Variants in EPHA3 observed in about 807,000 individuals in gnomAD.
EPHA3 encodes the protein ephrin type-A receptor 3.
In EPHA3, 42 loss-of-function variants were observed where a neutral mutation model predicts 107.1. The observed-to-expected ratio is 0.39, with a 90% confidence interval of 0.31 to 0.51. EPHA3 has a LOEUF of 0.51. Among genes scored for constraint, EPHA3 ranks in the 20% least tolerant of loss-of-function variants. EPHA3 has a pLI of 0.78. For missense variants in EPHA3, 1,183 were observed against 1,211.2 expected (o/e 0.98, Z 0.35); for synonymous variants, 461 against 424.8 (o/e 1.09, Z -1.05).
At chr3:89,265,093 A>G (rs1054058554) in intron 3 of EPHA3, among the ~76,000 whole-genome samples, 1 of 152,166 alleles carries the variant, frequency 6.6e-6, no homozygotes, top group Non-Finnish European at 1.5e-5. Flanking sequence ...AATTATGTTC[A>G]GCAACAATAT....
chr3:89,158,931 A>G (rs1182111466), intron 2 of EPHA3, among the ~76,000 whole-genome samples: 1 of 152,164 alleles, frequency 6.6e-6, no homozygotes, highest in East Asian at 1.9e-4. Context: ...TATTTGGGGA[A>G]GAAGAAAAGA....
intron 3 of EPHA3, among the ~76,000 whole-genome samples, chr3:89,263,492 T>G (rs1202826081): frequency 6.6e-6 from 1 of 152,162 alleles, no homozygotes; most frequent in African/African-American, 2.4e-5. Context: ...GGGGATTTTA[T>G]CGCTGGCGAA....
rs571660922 is a variant in EPHA3, at chr3:89,113,861, C to A, written c.88+6025C>A. 1.4e-4 allele frequency among the ~76,000 whole-genome samples: 22 copies of A among 152,142 alleles called. No homozygotes were observed. In the East Asian group the frequency reaches 4.1e-3, roughly 28 times the overall value. On this transcript the variant is annotated intron_variant, in intron 1 of 16. Coordinates refer to ENST00000336596, the MANE Select transcript of EPHA3 (RefSeq NM_005233.6). Reference sequence around the variant, plus strand: ...AGCCAAAAAATGCTAAAATGCTTCCCCCTTTGAATGTCTGGACGAATGCAT... The same window carrying A: ...AGCCAAAAAATGCTAAAATGCTTCCACCTTTGAATGTCTGGACGAATGCAT...
chr3:89,361,995 AC>A lies in EPHA3; in HGVS notation c.1306+19910del, dbSNP rs1708101644. Among the ~76,000 whole-genome samples the A allele has an allele frequency of 1.3e-5, 2 of 150,990 alleles. 1 individual carries two copies. Among genetic ancestry groups the A allele is most frequent in the Non-Finnish European group, 3.0e-5 (2 of 67,456 alleles). On this transcript the variant is annotated intron_variant, in intron 5 of 16. Coordinates refer to ENST00000336596, the MANE Select transcript of EPHA3 (RefSeq NM_005233.6). ...TACTTTAAGTGAAAATATTTTCACAACCCCCTCAAGGTCCTGATTATAATTT... is the reference window on the plus strand; with the variant it reads ...TACTTTAAGTGAAAATATTTTCACAACCCCTCAAGGTCCTGATTATAATTT...
chr3:89,350,911 T>C (rs1429777262), intron 5 of EPHA3, among the ~76,000 whole-genome samples: 11 of 151,446 alleles, frequency 7.3e-5, no homozygotes, highest in Admixed American at 1.3e-4. Flanking sequence ...TGGGGGATGC[T>C]TCCCAGTTAG....
intron 10 of EPHA3, among the ~76,000 whole-genome samples, chr3:89,415,168 T>C (rs1242638159): frequency 6.6e-6 from 1 of 151,456 alleles, no homozygotes; most frequent in African/African-American, 2.4e-5. Context: ...GCTAACAATT[T>C]GTTAAACATT....
rs1473859501 is a variant in EPHA3, at chr3:89,407,376, G to A, written c.1697+5G>A. 1 of 1,608,974 alleles carries A rather than the reference G, an allele frequency of 6.2e-7. No homozygotes were observed. The highest frequency in any genetic ancestry group is 8.5e-7 in the Non-Finnish European group (1 of 1,175,676). ...CATCTATGTTTTGATTGGGAGGTGA[G>A]TTCACAGTCTGTTTCACTATTCACT... On this transcript the variant is annotated splice_donor_5th_base_variant and intron_variant, in intron 8 of 16. Transcript: ENST00000336596.
rs529520088 is a variant in EPHA3, at chr3:89,166,183, G to A, written c.153+38910G>A. On this transcript the variant is annotated intron_variant, in intron 2 of 16. Transcript: ENST00000336596. Reference sequence around the variant, plus strand: ...TTCCCTGTTCCACCGTCTAAAGTAGGTTTAAGAACCACCTTCATCTTCTCA... The same window carrying A: ...TTCCCTGTTCCACCGTCTAAAGTAGATTTAAGAACCACCTTCATCTTCTCA... Among the ~76,000 whole-genome samples the A allele has an allele frequency of 3.0e-4, 46 of 152,170 alleles. No homozygotes were observed. The South Asian group carries it at 8.7e-3, about 29-fold the overall frequency.
intron 12 of EPHA3, among the ~76,000 whole-genome samples, chr3:89,430,174 A>G (rs1709539682): frequency 6.6e-6 from 1 of 152,216 alleles, no homozygotes; most frequent in South Asian, 2.1e-4. Context: ...AATACCAATT[A>G]CCAGTCATTG....
At position 89,426,868 on chromosome 3, in the gene EPHA3, G is replaced by A. The variant is rs563282579; in HGVS notation, c.2075-2238G>A. On this transcript the variant is annotated intron_variant, in intron 11 of 16. Transcript: ENST00000336596. ...ATTTATAGAAAGTACACATATGCAG[G>A]ATTTTATTCATTCATTCATTTATTC... Among the ~76,000 whole-genome samples the A allele has an allele frequency of 3.3e-5, 5 of 151,964 alleles. No individual in the cohort carries two copies. The South Asian group carries it at 1.0e-3, about 32-fold the overall frequency.
intron 5 of EPHA3, among the ~76,000 whole-genome samples, chr3:89,369,309 T>C (rs1390387815): frequency 4.0e-5 from 6 of 149,102 alleles, no homozygotes; most frequent in African/African-American, 9.8e-5. Flanking sequence ...GAGATATAGA[T>C]CAATGGAACA....
chr3:89,110,021 T>C (rs1165368878), intron 1 of EPHA3, among the ~76,000 whole-genome samples: 1 of 152,020 alleles, frequency 6.6e-6, no homozygotes, highest in Non-Finnish European at 1.5e-5. Context: ...ATGCCAAGTA[T>C]GTGCCAAGAT....
intron 2 of EPHA3, among the ~76,000 whole-genome samples, chr3:89,149,610 A>AT (rs1480746238): frequency 6.6e-6 from 1 of 151,260 alleles, no homozygotes; most frequent in East Asian, 2.0e-4. Context: ...CATTAGGTAT[A>AT]TTTCCTAATG....
intron 6 of EPHA3, among the ~76,000 whole-genome samples, chr3:89,398,505 A>G (rs946443964): frequency 1.3e-5 from 2 of 152,222 alleles, no homozygotes; most frequent in African/African-American, 4.8e-5. Context: ...GATTAAATAC[A>G]GCACAAATAC....
chr3:89,260,885 A>G (rs1351005042), intron 3 of EPHA3, among the ~76,000 whole-genome samples: 1 of 152,148 alleles, frequency 6.6e-6, no homozygotes, highest in Non-Finnish European at 1.5e-5. Context: ...TTAGGACTCT[A>G]TGGTCCTCCA....
chr3:89,471,450 C>T (rs1041726078), intron 15 of EPHA3, among the ~76,000 whole-genome samples: 2 of 152,164 alleles, frequency 1.3e-5, no homozygotes, highest in African/African-American at 4.8e-5. Context: ...CTCACCGCAA[C>T]CTTCGCCTCC....
At chr3:89,177,096 G>A (rs183120078) in intron 2 of EPHA3, among the ~76,000 whole-genome samples, 284 of 152,018 alleles carry the variant, frequency 1.9e-3, no homozygotes, top group Middle Eastern at 6.8e-3. Flanking sequence ...GTGTGTGCAC[G>A]TGTGTATGTG....
intron 3 of EPHA3, among the ~76,000 whole-genome samples, chr3:89,254,156 A>G (rs1464220549): frequency 6.6e-6 from 1 of 152,034 alleles, no homozygotes; most frequent in Non-Finnish European, 1.5e-5. Flanking sequence ...TCATATTTAG[A>G]CTCTTATACT....
intron 3 of EPHA3, among the ~76,000 whole-genome samples, chr3:89,219,601 C>A (rs1194392671): frequency 6.6e-6 from 1 of 150,700 alleles, no homozygotes; most frequent in Admixed American, 6.6e-5. Context: ...TAATACAGAT[C>A]ATTCCAGGGT....
Sources: gnomAD v4.1 joint callset for allele counts (sites outside exome capture counted in the v4.1 genomes callset) on GRCh38, gnomAD v4.1.1 for gene constraint, MANE v1.5 for transcripts, NCBI Gene and HGNC (gene_info 2026-07-23, HGNC 2026-07-21) for gene names.